Variants in WWP2 observed in about 807,000 individuals in gnomAD.
The protein encoded by WWP2 is NEDD4-like E3 ubiquitin-protein ligase WWP2.
A neutral mutation model predicts 121.0 loss-of-function variants in WWP2; 57 were observed. That is an observed-to-expected ratio of 0.47 (90% CI 0.38 to 0.59). The LOEUF (loss-of-function observed/expected upper bound fraction) is 0.59, where lower values mean the gene tolerates loss of function less well. Ranked by LOEUF, WWP2 falls within the 20% of genes least tolerant of loss-of-function variation. The probability of loss-of-function intolerance (pLI) is 0.00; values close to 1 mark genes in which losing one functional copy is unlikely to be tolerated. For missense variants in WWP2, 962 were observed against 1,158.9 expected (o/e 0.83, Z 2.47); for synonymous variants, 449 against 441.3 (o/e 1.02, Z -0.22).
At chr16:69,861,982 T>C (rs1366527511) in intron 6 of WWP2, among the ~76,000 whole-genome samples, 1 of 152,122 alleles carries the variant, frequency 6.6e-6, no homozygotes, top group African/African-American at 2.4e-5. Context: ...CTTACCCGGA[T>C]TGGAATGTGA....
At chr16:69,917,979 GA>G in intron 10 of WWP2, 96 bp downstream of exon 10, 2 of 1,450,018 alleles carry the variant, frequency 1.4e-6, no homozygotes, top group East Asian at 2.5e-5. Context: ...AGTGAGCAGG[GA>G]AAACAGCGTC....
chr16:69,895,512 C>T (rs7200242), intron 8 of WWP2, among the ~76,000 whole-genome samples: 2,959 of 152,294 alleles, frequency 0.019, 81 homozygotes, highest in African/African-American at 0.06. Context: ...TGCCTGTAAT[C>T]TAGCACTTTG....
intron 7 of WWP2, among the ~76,000 whole-genome samples, chr16:69,886,277 C>T (rs549737371): frequency 1.3e-5 from 2 of 152,258 alleles, no homozygotes; most frequent in South Asian, 2.1e-4. Flanking sequence ...GATGAGTCCT[C>T]GCTAGGTTGC....
intron 1 of WWP2, among the ~76,000 whole-genome samples, chr16:69,777,176 A>G (rs1055420046): frequency 6.6e-6 from 1 of 151,682 alleles, no homozygotes; most frequent in Non-Finnish European, 1.5e-5. Flanking sequence ...ATGGATATAC[A>G]CATATGTGTA....
chr16:69,771,948 T>C lies in WWP2; in HGVS notation c.-16+9557T>C, dbSNP rs562478136. 2.7e-5 allele frequency among the ~76,000 whole-genome samples: 4 copies of C among 148,730 alleles called. No individual in the cohort carries two copies. In the South Asian group the frequency reaches 8.6e-4, roughly 32 times the overall value. On this transcript the variant is annotated intron_variant, in intron 1 of 23. Coordinates refer to ENST00000359154, the MANE Select transcript of WWP2 (RefSeq NM_001270454.2). ...CCTGTTGAGAAACTAAAAGTCTTTT[T>C]AGTCTTTTTTTTTTTTTTTTTTTTT... is the stretch of plus-strand genomic sequence containing the variant.
chr16:69,825,502 G>A (rs976731197), intron 4 of WWP2, among the ~76,000 whole-genome samples: 1 of 151,764 alleles, frequency 6.6e-6, no homozygotes, highest in African/African-American at 2.4e-5. Context: ...TGCATTTGTG[G>A]AGTAGGTGTC....
intron 4 of WWP2, among the ~76,000 whole-genome samples, chr16:69,837,844 T>C (rs935634798): frequency 6.6e-6 from 1 of 151,984 alleles, no homozygotes; most frequent in African/African-American, 2.4e-5. Context: ...GCGTGATGGG[T>C]CTGTGGCTTA....
At chr16:69,877,261 C>T (rs2057750403) in intron 7 of WWP2, among the ~76,000 whole-genome samples, 1 of 152,318 alleles carries the variant, frequency 6.6e-6, no homozygotes, top group African/African-American at 2.4e-5. Flanking sequence ...TTCACTTGGA[C>T]TTTTACGCTG....
chr16:69,901,937 C>T (rs1459496805), intron 8 of WWP2, among the ~76,000 whole-genome samples: 1 of 152,108 alleles, frequency 6.6e-6, no homozygotes, highest in African/African-American at 2.4e-5. Flanking sequence ...GGTGACAGAA[C>T]GAGACTTCGT....
chr16:69,905,581 C>T (rs2058276889), intron 8 of WWP2, among the ~76,000 whole-genome samples: 1 of 152,114 alleles, frequency 6.6e-6, no homozygotes, highest in Admixed American at 6.6e-5. Context: ...TGCAGATATT[C>T]CAAAATCTGA....
chr16:69,884,855 G>A (rs72785057), intron 7 of WWP2, among the ~76,000 whole-genome samples: 1,576 of 152,190 alleles, frequency 0.01, 9 homozygotes, highest in Non-Finnish European at 0.016. Context: ...ATATGGGGAG[G>A]TTTCTCTTTA....
At position 69,929,438 on chromosome 16, in the gene WWP2, C is replaced by T. The variant is rs754042105; in HGVS notation, c.1235-10C>T. ...GAATCTGATGTTCTTTCTTTCTTCT[C>T]ATGTGGCAGAGAAGAGACAGGACAA... is the stretch of plus-strand genomic sequence containing the variant. On this transcript the variant is annotated splice_polypyrimidine_tract_variant and intron_variant, in intron 11 of 23. Coordinates refer to ENST00000359154, the MANE Select transcript of WWP2 (RefSeq NM_001270454.2). 6.2e-7 allele frequency: 1 copy of T among 1,612,334 alleles called. No homozygotes were observed. The highest frequency in any genetic ancestry group is 8.5e-7 in the Non-Finnish European group (1 of 1,178,504).
intron 6 of WWP2, among the ~76,000 whole-genome samples, chr16:69,842,421 C>A (rs1036002992): frequency 1.3e-5 from 2 of 151,890 alleles, no homozygotes; most frequent in African/African-American, 4.8e-5. Flanking sequence ...TTCTAATGAT[C>A]CTATTGCCCA....
intron 10 of WWP2, among the ~76,000 whole-genome samples, chr16:69,923,515 T>G (rs2058594990): frequency 1.3e-5 from 2 of 152,168 alleles, no homozygotes; most frequent in South Asian, 2.1e-4. Flanking sequence ...AAAGACCTTT[T>G]TGGTCTGTTG....
intron 6 of WWP2, among the ~76,000 whole-genome samples, chr16:69,845,370 T>C (rs1461150031): frequency 6.6e-6 from 1 of 152,130 alleles, no homozygotes; most frequent in African/African-American, 2.4e-5. Context: ...TGGGAGGTGA[T>C]GAATCAGACC....
chr16:69,789,932 A>T (rs1380498621), intron 2 of WWP2, among the ~76,000 whole-genome samples: 1 of 152,190 alleles, frequency 6.6e-6, no homozygotes, highest in Non-Finnish European at 1.5e-5. Flanking sequence ...GTTGACTGAA[A>T]GCCTTGCCAA....
chr16:69,779,896 A>G (rs950189590), intron 1 of WWP2, among the ~76,000 whole-genome samples: 2 of 152,186 alleles, frequency 1.3e-5, no homozygotes, highest in Non-Finnish European at 2.9e-5. Context: ...TTATTGTTCA[A>G]TTATGAAAGA....
chr16:69,917,147 T>C (rs532912300), intron 9 of WWP2, among the ~76,000 whole-genome samples: 31 of 152,342 alleles, frequency 2.0e-4, no homozygotes, highest in African/African-American at 7.5e-4. Context: ...AGGAAGGGAA[T>C]GTATTGGCTC....
intron 2 of WWP2, among the ~76,000 whole-genome samples, chr16:69,787,432 T>C (rs904953442): frequency 6.6e-6 from 1 of 151,878 alleles, no homozygotes; most frequent in Admixed American, 6.6e-5. Flanking sequence ...CTACAGAACA[T>C]AAAATAATTA....
Sources: gnomAD v4.1 joint callset for allele counts (sites outside exome capture counted in the v4.1 genomes callset) on GRCh38, gnomAD v4.1.1 for gene constraint, MANE v1.5 for transcripts, NCBI Gene and HGNC (gene_info 2026-07-23, HGNC 2026-07-21) for gene names.